Variants in HMCN1 observed in about 807,000 individuals in gnomAD.
HMCN1 encodes the protein hemicentin 1.
A neutral mutation model predicts 625.9 loss-of-function variants in HMCN1; 321 were observed. That is an observed-to-expected ratio of 0.51 (90% CI 0.47 to 0.56). HMCN1 has a LOEUF of 0.56. HMCN1 is among the 20% of genes least tolerant of loss of function. HMCN1 has a pLI of 0.00. For missense variants in HMCN1, 6,588 were observed against 6,887.3 expected, an observed-to-expected ratio of 0.96 and a Z score of 1.54; for synonymous variants, 2,425 against 2,417.6, an observed-to-expected ratio of 1.00 and a Z score of -0.09.
Position 185,934,515 on chromosome 1 carries a change from C to T in HMCN1, c.1828+691C>T, listed in dbSNP as rs189726010. Among the ~76,000 whole-genome samples the T allele has an allele frequency of 8.0e-4, 122 of 152,222 alleles. 1 individual carries two copies. The highest frequency in any genetic ancestry group is 5.8e-4 in the East Asian group (3 of 5,182). On this transcript the variant is annotated intron_variant, in intron 11 of 106. Coordinates refer to ENST00000271588, the MANE Select transcript of HMCN1 (RefSeq NM_031935.3). ...TATATTGTTCAGGACCATGAAATGACGATCAGAAACCACTCCAAAGTTTCT... is the reference window on the plus strand; with the variant it reads ...TATATTGTTCAGGACCATGAAATGATGATCAGAAACCACTCCAAAGTTTCT...
intron 15 of HMCN1, among the ~76,000 whole-genome samples, chr1:185,977,511 C>T (rs1317372038): frequency 6.6e-6 from 1 of 152,084 alleles, no homozygotes; most frequent in Non-Finnish European, 1.5e-5. Flanking sequence ...GAAAGATTCT[C>T]TTTATTTAAG....
rs557901993 is a variant in HMCN1, at chr1:186,152,642, A to G, written c.14897-108A>G. 76 of 1,323,952 alleles carry G rather than the reference A, an allele frequency of 5.7e-5. No individual in the cohort carries two copies. The East Asian group carries it at 1.3e-3, about 23-fold the overall frequency. 82.0% of individuals were successfully genotyped at this position (1,323,952 alleles called of 1,614,324 possible). On this transcript the variant is annotated intron_variant, in intron 95 of 106. Coordinates refer to ENST00000271588, the MANE Select transcript of HMCN1 (RefSeq NM_031935.3). ...AGTTCTCATCATCTATACTTATTCA[A>G]GTTTGAACTCAAAAAGCATAGCTGA...
At chr1:185,923,356 T>C in intron 7 of HMCN1, 34 bp from the exon 8 acceptor site, 1 of 1,545,800 alleles carries the variant, frequency 6.5e-7, no homozygotes, top group South Asian at 1.1e-5. Flanking sequence ...ATTGCTTGTT[T>C]CTTGTAAATG....
intron 64 of HMCN1, among the ~76,000 whole-genome samples, chr1:186,092,132 A>T (rs1659877783): frequency 6.6e-6 from 1 of 151,838 alleles, no homozygotes; most frequent in African/African-American, 2.4e-5. Flanking sequence ...GGAGTCTATC[A>T]TTCCTTCTCC....
intron 86 of HMCN1, among the ~76,000 whole-genome samples, chr1:186,134,085 T>C (rs1649411482): frequency 6.6e-6 from 1 of 152,172 alleles, no homozygotes; most frequent in African/African-American, 2.4e-5. Flanking sequence ...ATATTGACAA[T>C]AAATTCATTT....
At position 185,922,413 on chromosome 1, in the gene HMCN1, C is replaced by T. The variant is rs780675662; in HGVS notation, c.935C>T (p.Thr312Ile). ...SSSGRHSVRI[T>I]GLSTIDFRAG... Reference sequence around the variant, plus strand: ...AGTGGAAGGCACTCTGTTCGCATTACTGGCCTCAGTACTATTGATTTCCGA... The same window carrying T: ...AGTGGAAGGCACTCTGTTCGCATTATTGGCCTCAGTACTATTGATTTCCGA... The change falls in exon 7 of 107, where the codon ACT becomes ATT. Residue 312 changes from threonine to isoleucine, a missense_variant. Physicochemically the swap from Thr to Ile is moderately conservative, Grantham distance 89. Around this residue, in one of 3 missense-constraint regions of HMCN1, gnomAD observed 4,628 missense variants for 4,853.1 expected, o/e 0.95. Coordinates refer to ENST00000271588, the MANE Select transcript of HMCN1 (RefSeq NM_031935.3). The T allele has an allele frequency of 2.5e-6, 4 of 1,613,656 alleles. No individual in the cohort carries two copies.
At chr1:186,164,774 A>G (rs191420380) in intron 97 of HMCN1, among the ~76,000 whole-genome samples, 4 of 152,366 alleles carry the variant, frequency 2.6e-5, no homozygotes, top group Admixed American at 2.6e-4. Flanking sequence ...CCGGATAGCA[A>G]TGGCTGGAAG....
Position 186,122,942 on chromosome 1 carries a change from A to G in HMCN1, c.12230-9A>G. 3 of 1,612,752 alleles carry G rather than the reference A, an allele frequency of 1.9e-6. No individual in the cohort carries two copies. The highest frequency in any genetic ancestry group is 2.5e-6 in the Non-Finnish European group (3 of 1,179,794). On this transcript the variant is annotated splice_polypyrimidine_tract_variant and intron_variant, in intron 80 of 106. Transcript: ENST00000271588. ...AAAGTTTGAACTTTATATTTTTTGT[A>G]TATTTTAGTTCCTCCAGTCATTAGC...
chr1:185,734,789 T>C lies in HMCN1; in HGVS notation c.10T>C (p.Trp4Arg). 1 of 1,614,164 alleles carries C rather than the reference T, an allele frequency of 6.2e-7. No homozygotes were observed. The highest frequency in any genetic ancestry group is 8.5e-7 in the Non-Finnish European group (1 of 1,180,002). Residue 4 changes from tryptophan to arginine, a missense_variant, in exon 1 of 107, where the codon TGG (tryptophan) becomes CGG (arginine). Physicochemically the swap from Trp to Arg is moderately radical, Grantham distance 101. Coordinates refer to ENST00000271588, the MANE Select transcript of HMCN1 (RefSeq NM_031935.3). MIS[W>R]EVVHTVFLFA... ...GGGGAAAAAAAAGAAAATGATTTCC[T>C]GGGAAGTTGTCCATACAGTATTCCT...
intron 1 of HMCN1, among the ~76,000 whole-genome samples, chr1:185,771,548 C>A (rs1326764449): frequency 6.6e-6 from 1 of 152,114 alleles, no homozygotes; most frequent in Non-Finnish European, 1.5e-5. Flanking sequence ...TGGACTTAAG[C>A]TATTTGACTG....
At chr1:186,106,261 A>T (rs994721578) in intron 69 of HMCN1, among the ~76,000 whole-genome samples, 7 of 152,192 alleles carry the variant, frequency 4.6e-5, no homozygotes, top group African/African-American at 1.7e-4. Context: ...CACAATCTCA[A>T]ACATATGAAT....
rs1650383841 is a variant in HMCN1, at chr1:185,965,977, T to A, written c.2212+62T>A. ...AGTTTTGTTTTCTTTTTAAAAAAAA[T>A]GATTTGTTAAAACTTTGTTTTGGTG... On this transcript the variant is annotated intron_variant, in intron 14 of 106. Transcript: ENST00000271588. 9.4e-6 allele frequency: 10 copies of A among 1,062,160 alleles called. No homozygotes were observed. The South Asian group carries it at 1.0e-4, about 11-fold the overall frequency. 65.8% of individuals were successfully genotyped at this position (1,062,160 alleles called of 1,614,324 possible).
intron 1 of HMCN1, among the ~76,000 whole-genome samples, chr1:185,844,724 C>T (rs1036772622): frequency 6.6e-6 from 1 of 152,092 alleles, no homozygotes; most frequent in Non-Finnish European, 1.5e-5. Context: ...GCACATGGTA[C>T]CCAGATGAAT....
At chr1:185,744,111 C>A (rs1206048021) in intron 1 of HMCN1, among the ~76,000 whole-genome samples, 1 of 150,922 alleles carries the variant, frequency 6.6e-6, no homozygotes, top group Non-Finnish European at 1.5e-5. Flanking sequence ...GCCTCAGCCT[C>A]CGGAGTAGCT....
intron 11 of HMCN1, among the ~76,000 whole-genome samples, chr1:185,940,131 G>A (rs932124440): frequency 5.9e-5 from 9 of 152,124 alleles, no homozygotes; most frequent in Admixed American, 1.3e-4. Context: ...AGTGGTAAAA[G>A]TGCTTTTTTA....
chr1:186,077,720 C>T (rs1658916042), intron 54 of HMCN1, among the ~76,000 whole-genome samples: 1 of 152,072 alleles, frequency 6.6e-6, no homozygotes, highest in East Asian at 1.9e-4. Flanking sequence ...CTTTTACAAC[C>T]TTGGATATTG....
intron 16 of HMCN1, 75 bp from the exon 17 acceptor site, chr1:185,980,903 T>A: frequency 1.1e-6 from 1 of 914,382 alleles, no homozygotes; most frequent in Non-Finnish European, 1.8e-6. Context: ...CATGCACAGA[T>A]CTCAGCACTG....
In HMCN1 at chr1:186,039,884, C is replaced by T. The variant is rs1558166940; in HGVS notation, c.6180+5C>T. On this transcript the variant is annotated splice_donor_5th_base_variant and intron_variant, in intron 39 of 106. Transcript: ENST00000271588. Reference sequence around the variant, plus strand: ...AGTTTTTCTAATGGATTACAGGTACCTTCATTCATTTCTTTGGTGACATTT... The same window carrying T: ...AGTTTTTCTAATGGATTACAGGTACTTTCATTCATTTCTTTGGTGACATTT... 5.0e-6 allele frequency: 8 copies of T among 1,612,460 alleles called. No individual in the cohort carries two copies. Among genetic ancestry groups the T allele is most frequent in the Admixed American group, 3.3e-5 (2 of 59,934 alleles).
Position 185,980,176 on chromosome 1 carries a change from T to G in HMCN1, c.2567-802T>G, listed in dbSNP as rs553177870. Reference sequence around the variant, plus strand: ...TGAGGGAAAGTAATTTATACTAAAATAATGCATATTTCAATACGTAAATAC... The same window carrying G: ...TGAGGGAAAGTAATTTATACTAAAAGAATGCATATTTCAATACGTAAATAC... On this transcript the variant is annotated intron_variant, in intron 16 of 106. Coordinates refer to ENST00000271588, the MANE Select transcript of HMCN1 (RefSeq NM_031935.3). 1.4e-4 allele frequency among the ~76,000 whole-genome samples: 21 copies of G among 152,296 alleles called. No individual in the cohort carries two copies. The South Asian group carries it at 1.7e-3, about 12-fold the overall frequency.
Sources: allele counts gnomAD v4.1 joint callset (sites outside exome capture counted in the v4.1 genomes callset), GRCh38; gene constraint gnomAD v4.1.1; regional missense constraint gnomAD v4.1.1; transcripts MANE v1.5; gene names NCBI Gene and HGNC (gene_info 2026-07-23, HGNC 2026-07-21).